The following CADM2 variants were observed in gnomAD, a reference collection of about 807,000 sequenced individuals.
CADM2 encodes the protein immunoglobulin superfamily member 4D.
CADM2 carries 12 observed loss-of-function variants against 49.8 expected under a neutral mutation model. The observed-to-expected ratio is 0.24, with a 90% confidence interval of 0.15 to 0.39. CADM2 has a LOEUF of 0.39. CADM2 is among the 10% of genes least tolerant of loss of function. The probability of loss-of-function intolerance (pLI) is 1.00; values close to 1 mark genes in which losing one functional copy is unlikely to be tolerated. For synonymous variants in CADM2, 214 were observed against 175.4 expected, an observed-to-expected ratio of 1.22 and a Z score of -1.74; for missense variants, 378 against 492.3, an observed-to-expected ratio of 0.77 and a Z score of 2.20.
intron 1 of CADM2, among the ~76,000 whole-genome samples, chr3:85,669,309 C>T (rs2065668308): frequency 1.3e-5 from 2 of 152,006 alleles, no homozygotes; most frequent in African/African-American, 2.4e-5. Context: ...TTATCTGTGA[C>T]ATCATAAAGA....
At position 85,784,461 on chromosome 3, in the gene CADM2, G is replaced by C. The variant is rs558322166; in HGVS notation, c.89-17586G>C. Among the ~76,000 whole-genome samples the C allele has an allele frequency of 2.0e-5, 3 of 152,084 alleles. No homozygotes were observed. The East Asian group carries it at 5.8e-4, about 29-fold the overall frequency. On this transcript the variant is annotated intron_variant, in intron 2 of 9. Coordinates refer to ENST00000383699, the MANE Select transcript of CADM2 (RefSeq NM_001167675.2). The stretch of plus-strand genomic sequence containing the variant: ...CAACACTCAGTTTATATCTAAATTT[G>C]AGTAATAAGAATCAGGTATTATTAA...
At chr3:85,688,782 G>C (rs796088997) in intron 1 of CADM2, among the ~76,000 whole-genome samples, 1 of 151,934 alleles carries the variant, frequency 6.6e-6, no homozygotes, top group Non-Finnish European at 1.5e-5. Flanking sequence ...TGGCCAGCCT[G>C]GTTTCGAACT....
intron 1 of CADM2, among the ~76,000 whole-genome samples, chr3:85,551,737 A>G (rs1191189742): frequency 6.6e-6 from 1 of 152,142 alleles, no homozygotes; most frequent in Non-Finnish European, 1.5e-5. Context: ...CGAGTACCTT[A>G]TTGAAAATCT....
chr3:85,922,926 A>G (rs1182645040), intron 6 of CADM2, among the ~76,000 whole-genome samples: 1 of 151,420 alleles, frequency 6.6e-6, no homozygotes, highest in South Asian at 2.1e-4. Flanking sequence ...GGTTCAAGCG[A>G]TTCTCCTGCC....
chr3:85,217,022 A>G (rs890354153), intron 1 of CADM2, among the ~76,000 whole-genome samples: 1 of 151,998 alleles, frequency 6.6e-6, no homozygotes. Flanking sequence ...ATAATAAAAT[A>G]TATTGTATAC....
At chr3:85,085,910 A>G (rs2037351304) in intron 1 of CADM2, among the ~76,000 whole-genome samples, 1 of 152,078 alleles carries the variant, frequency 6.6e-6, no homozygotes, top group South Asian at 2.1e-4. Flanking sequence ...ACAATTTTTC[A>G]TGGGTAGGGC....
At chr3:85,409,881 A>C (rs1576501957) in intron 1 of CADM2, among the ~76,000 whole-genome samples, 1 of 152,184 alleles carries the variant, frequency 6.6e-6, no homozygotes, top group African/African-American at 2.4e-5. Flanking sequence ...CTCAAAATCA[A>C]GAATGGATGG....
intron 5 of CADM2, among the ~76,000 whole-genome samples, chr3:85,896,608 C>T (rs1019744676): frequency 1.3e-5 from 2 of 152,084 alleles, no homozygotes; most frequent in Admixed American, 1.3e-4. Context: ...AATGGTATTG[C>T]CATCATTCTA....
intron 1 of CADM2, among the ~76,000 whole-genome samples, chr3:85,264,966 C>A (rs1401155940): frequency 1.3e-5 from 2 of 152,020 alleles, no homozygotes; most frequent in East Asian, 3.9e-4. Context: ...AAGGACTTTT[C>A]TGGTGTGTTA....
At chr3:85,208,340 A>T (rs951565747) in intron 1 of CADM2, among the ~76,000 whole-genome samples, 5 of 152,170 alleles carry the variant, frequency 3.3e-5, no homozygotes, top group African/African-American at 9.6e-5. Context: ...TAACAAAGGG[A>T]TAGCAATAAA....
intron 1 of CADM2, among the ~76,000 whole-genome samples, chr3:85,100,169 T>G (rs1258857483): frequency 2.0e-5 from 3 of 152,344 alleles, no homozygotes; most frequent in Admixed American, 1.3e-4. Flanking sequence ...GGATTTCTTG[T>G]ATTTCTTTAT....
Position 86,072,466 on chromosome 3 carries a change from G to A in CADM2, c.*5683G>A, listed in dbSNP as rs1325491616. On this transcript the variant is annotated 3_prime_UTR_variant, in exon 10 of 10. Transcript: ENST00000383699. ...ACGAAATATACTGTATATTTCAAAA[G>A]AAGAAAAGTTAAAAGATATTTGAAG... 6.6e-6 allele frequency: 1 copy of A among 150,470 alleles called. No individual in the cohort carries two copies. Among genetic ancestry groups the A allele is most frequent in the Non-Finnish European group, 1.5e-5 (1 of 67,566 alleles). The allele number at this position is 150,470 out of a possible 1,614,324, so 9.3% of individuals were successfully genotyped here. A position where few individuals can be genotyped will look rare whatever the true frequency, so the allele number is the denominator to read the frequency against.
chr3:85,358,201 C>T (rs878953679), intron 1 of CADM2, among the ~76,000 whole-genome samples: 5 of 152,114 alleles, frequency 3.3e-5, no homozygotes, highest in Admixed American at 3.3e-4. Context: ...CATCTTGTCC[C>T]CCAGTTGTCA....
At chr3:85,191,255 A>G (rs1194586597) in intron 1 of CADM2, among the ~76,000 whole-genome samples, 1 of 152,044 alleles carries the variant, frequency 6.6e-6, no homozygotes, top group African/African-American at 2.4e-5. Flanking sequence ...TCATTTATTC[A>G]TATACCATTA....
chr3:85,001,816 T>C (rs2033478403), intron 1 of CADM2, among the ~76,000 whole-genome samples: 1 of 152,122 alleles, frequency 6.6e-6, no homozygotes, highest in African/African-American at 2.4e-5. Flanking sequence ...TAATTTATTT[T>C]ATGTAAAATT....
At chr3:85,483,501 A>G (rs904740538) in intron 1 of CADM2, among the ~76,000 whole-genome samples, 1 of 150,996 alleles carries the variant, frequency 6.6e-6, no homozygotes, top group Non-Finnish European at 1.5e-5. Context: ...AATTGACTTA[A>G]TTATATTTAA....
intron 1 of CADM2, among the ~76,000 whole-genome samples, chr3:85,396,547 A>G (rs2034801218): frequency 6.6e-6 from 1 of 152,080 alleles, no homozygotes; most frequent in African/African-American, 2.4e-5. Flanking sequence ...AATACCTACA[A>G]AATTATACGC....
At chr3:85,491,827 C>T (rs2039687460) in intron 1 of CADM2, among the ~76,000 whole-genome samples, 1 of 151,966 alleles carries the variant, frequency 6.6e-6, no homozygotes. Context: ...TGGCAGGTGC[C>T]TGTAGTCCCA....
At chr3:85,855,770 G>T (rs2075294396) in intron 3 of CADM2, among the ~76,000 whole-genome samples, 1 of 151,450 alleles carries the variant, frequency 6.6e-6, no homozygotes, top group Non-Finnish European at 1.5e-5. Context: ...GGGACTACAG[G>T]TGCCTGCCAC....
Sources: gnomAD v4.1 joint callset for allele counts (sites outside exome capture counted in the v4.1 genomes callset) on GRCh38, gnomAD v4.1.1 for gene constraint, MANE v1.5 for transcripts, NCBI Gene and HGNC (gene_info 2026-07-23, HGNC 2026-07-21) for gene names.